Variants in BTBD9 observed in about 807,000 individuals in gnomAD.
BTBD9 encodes BTB/POZ domain-containing protein 9.
A neutral mutation model predicts 64.3 loss-of-function variants in BTBD9; 49 were observed. That is an observed-to-expected ratio of 0.76 (90% CI 0.61 to 0.97). BTBD9 has a LOEUF of 0.97. Among genes scored for constraint, BTBD9 ranks in the 50% least tolerant of loss-of-function variants. The pLI is 0.00. For synonymous variants in BTBD9, 260 were observed against 274.7 expected (o/e 0.95, Z 0.53); for missense variants, 598 against 762.1 (o/e 0.78, Z 2.53).
chr6:38,348,578 C>T (rs1261012888), intron 6 of BTBD9, among the ~76,000 whole-genome samples: 2 of 152,202 alleles, frequency 1.3e-5, no homozygotes, highest in Non-Finnish European at 2.9e-5. Context: ...AGGATGAACG[C>T]TGTCCACGTG....
chr6:38,621,253 CAG>C (rs1183974839), intron 1 of BTBD9, among the ~76,000 whole-genome samples: 1 of 152,216 alleles, frequency 6.6e-6, no homozygotes, highest in Non-Finnish European at 1.5e-5. Flanking sequence ...GCTTAGATAT[CAG>C]GGGCTACTCC....
At chr6:38,382,726 C>T (rs928806507) in intron 6 of BTBD9, among the ~76,000 whole-genome samples, 1 of 151,826 alleles carries the variant, frequency 6.6e-6, no homozygotes, top group African/African-American at 2.4e-5. Context: ...ATGAGGAAAA[C>T]AAAATACTTA....
chr6:38,467,374 T>TTA (rs1398006880), intron 6 of BTBD9, among the ~76,000 whole-genome samples: 1 of 152,224 alleles, frequency 6.6e-6, no homozygotes, highest in Non-Finnish European at 1.5e-5. Flanking sequence ...TTGTGTTCTG[T>TTA]TAGAGTCTAT....
chr6:38,635,585 T>C (rs902317027), intron 1 of BTBD9, among the ~76,000 whole-genome samples: 5 of 152,222 alleles, frequency 3.3e-5, no homozygotes, highest in Non-Finnish European at 7.3e-5. Context: ...TCTTTTCTCA[T>C]GAATGAATTA....
chr6:38,303,840 G>GATTATATATATATAT (rs1554137133), intron 7 of BTBD9, among the ~76,000 whole-genome samples: 1 of 75,320 alleles, frequency 1.3e-5, no homozygotes, highest in Non-Finnish European at 3.0e-5. Context: ...TTAGTTGCTA[G>GATTATATATATATAT]ATATATATAT....
chr6:38,242,571 C>T (rs963317587), intron 9 of BTBD9, among the ~76,000 whole-genome samples: 2 of 152,232 alleles, frequency 1.3e-5, no homozygotes, highest in African/African-American at 4.8e-5. Context: ...GTATTTTACA[C>T]TGTGTGTGCA....
intron 1 of BTBD9, among the ~76,000 whole-genome samples, chr6:38,629,934 G>T (rs765330914): frequency 2.0e-5 from 3 of 151,858 alleles, no homozygotes; most frequent in African/African-American, 7.2e-5. Flanking sequence ...CAGGCCAGGC[G>T]TGGTGGCTCA....
intron 6 of BTBD9, among the ~76,000 whole-genome samples, chr6:38,367,285 A>G (rs1289222327): frequency 1.3e-5 from 2 of 152,212 alleles, no homozygotes; most frequent in African/African-American, 4.8e-5. Flanking sequence ...AGCAACACAT[A>G]AAAGAATTAA....
chr6:38,283,232 G>A (rs532052117), intron 8 of BTBD9, among the ~76,000 whole-genome samples: 50 of 152,274 alleles, frequency 3.3e-4, no homozygotes, highest in Non-Finnish European at 6.5e-4. Context: ...ACCCAACTAC[G>A]GAGTAAACTC....
intron 6 of BTBD9, among the ~76,000 whole-genome samples, chr6:38,399,951 G>A (rs917836200): frequency 2.0e-5 from 3 of 150,676 alleles, no homozygotes; most frequent in Admixed American, 1.3e-4. Context: ...TAGTAGAGAC[G>A]GGGTTTCTCT....
chr6:38,532,130 G>A (rs540673774), intron 6 of BTBD9, among the ~76,000 whole-genome samples: 7 of 152,314 alleles, frequency 4.6e-5, no homozygotes, highest in African/African-American at 1.4e-4. Context: ...GTGCAATTAG[G>A]AGAGGGACAG....
intron 6 of BTBD9, among the ~76,000 whole-genome samples, chr6:38,414,970 A>G (rs1767599082): frequency 6.6e-6 from 1 of 152,208 alleles, no homozygotes; most frequent in African/African-American, 2.4e-5. Flanking sequence ...TGCCTACTAG[A>G]CACTTCCCCT....
intron 7 of BTBD9, among the ~76,000 whole-genome samples, chr6:38,327,880 C>T (rs1763503204): frequency 6.6e-6 from 1 of 152,160 alleles, no homozygotes; most frequent in Non-Finnish European, 1.5e-5. Flanking sequence ...TGTATCGCCA[C>T]ATTTCATGAA....
intron 6 of BTBD9, 58 bp downstream of exon 6, chr6:38,577,542 C>G (rs1307960216): frequency 2.0e-6 from 3 of 1,519,952 alleles, no homozygotes; most frequent in Non-Finnish European, 2.7e-6. Flanking sequence ...TCTGCTTCTC[C>G]AAGTCCAAAT....
chr6:38,175,360 G>A (rs1182603684), intron 10 of BTBD9, among the ~76,000 whole-genome samples, 178 bp from the exon 11 acceptor site: 2 of 152,204 alleles, frequency 1.3e-5, no homozygotes, highest in Non-Finnish European at 2.9e-5. Context: ...CTAGCATGCT[G>A]TAAACACATT....
At chr6:38,457,795 C>A (rs542568813) in intron 6 of BTBD9, among the ~76,000 whole-genome samples, 1 of 152,252 alleles carries the variant, frequency 6.6e-6, no homozygotes, top group Admixed American at 6.5e-5. Flanking sequence ...AGCACTCCAA[C>A]ATCATACTGA....
At chr6:38,459,054 T>A (rs1769950759) in intron 6 of BTBD9, among the ~76,000 whole-genome samples, 1 of 152,222 alleles carries the variant, frequency 6.6e-6, no homozygotes, top group Non-Finnish European at 1.5e-5. Context: ...AGTCTCACTC[T>A]GTTGCCCAGG....
At chr6:38,428,750 T>C (rs1768298021) in intron 6 of BTBD9, among the ~76,000 whole-genome samples, 1 of 150,792 alleles carries the variant, frequency 6.6e-6, no homozygotes, top group South Asian at 2.1e-4. Flanking sequence ...TCTCACTCTG[T>C]TGCCCAGGCT....
At chr6:38,262,910 T>C (rs1024766759) in intron 8 of BTBD9, among the ~76,000 whole-genome samples, 1 of 152,208 alleles carries the variant, frequency 6.6e-6, no homozygotes, top group Non-Finnish European at 1.5e-5. Flanking sequence ...CTCCACTGAA[T>C]TGGTGCCTTT....
Sources: allele counts gnomAD v4.1 joint callset (sites outside exome capture counted in the v4.1 genomes callset), GRCh38; gene constraint gnomAD v4.1.1; transcripts MANE v1.5; gene names NCBI Gene and HGNC (gene_info 2026-07-23, HGNC 2026-07-21).